ELOVL5: variants seen among roughly 807,000 people sequenced by gnomAD.
ELOVL5 encodes the protein very long chain fatty acid elongase 5.
Under a neutral mutation model 38.6 loss-of-function variants are expected in ELOVL5, and 8 were observed. The observed-to-expected ratio is 0.21, with a 90% CI of 0.12 to 0.37. ELOVL5 has a LOEUF of 0.37. Among genes scored for constraint, ELOVL5 ranks in the 10% least tolerant of loss-of-function variants. The probability of loss-of-function intolerance (pLI) is 1.00; values close to 1 mark genes in which losing one functional copy is unlikely to be tolerated. For synonymous variants in ELOVL5, 127 were observed against 133.7 expected, an observed-to-expected ratio of 0.95 and a Z score of 0.34; for missense variants, 280 against 367.8, an observed-to-expected ratio of 0.76 and a Z score of 1.95.
intron 1 of ELOVL5, among the ~76,000 whole-genome samples, chr6:53,332,858 C>T (rs749120754): frequency 1.3e-5 from 2 of 152,212 alleles, no homozygotes; most frequent in Non-Finnish European, 2.9e-5. Flanking sequence ...ACGAAAGCCA[C>T]CCTCCCCAAA....
chr6:53,327,408 A>G (rs79088104), intron 1 of ELOVL5, among the ~76,000 whole-genome samples: 214 of 152,284 alleles, frequency 1.4e-3, no homozygotes, highest in African/African-American at 5.0e-3. Context: ...TGAAAACATT[A>G]TGCTAAGTGA....
intron 1 of ELOVL5, among the ~76,000 whole-genome samples, chr6:53,307,706 C>T (rs887654003): frequency 2.0e-5 from 3 of 152,158 alleles, no homozygotes; most frequent in Non-Finnish European, 4.4e-5. Flanking sequence ...AGATAAATTC[C>T]TCTGAAATGT....
At chr6:53,340,156 A>G (rs1769266532) in intron 1 of ELOVL5, among the ~76,000 whole-genome samples, 1 of 152,198 alleles carries the variant, frequency 6.6e-6, no homozygotes, top group Non-Finnish European at 1.5e-5. Flanking sequence ...ATTATTACAA[A>G]AGAGTAAAAA....
At chr6:53,309,861 G>A (rs530698109) in intron 1 of ELOVL5, among the ~76,000 whole-genome samples, 21 of 152,334 alleles carry the variant, frequency 1.4e-4, no homozygotes, top group Admixed American at 6.5e-4. Context: ...GGCCTGCTCA[G>A]CTTCAGATGA....
At chr6:53,331,498 C>CAT (rs1224162263) in intron 1 of ELOVL5, among the ~76,000 whole-genome samples, 2 of 152,158 alleles carry the variant, frequency 1.3e-5, no homozygotes, top group African/African-American at 4.8e-5. Flanking sequence ...TCCACAAACA[C>CAT]ATAAGTAATA....
intron 3 of ELOVL5, 58 bp downstream of exon 3, chr6:53,291,718 A>T: frequency 1.4e-6 from 2 of 1,411,750 alleles, no homozygotes; most frequent in Non-Finnish European, 1.9e-6. Flanking sequence ...AATACAATTT[A>T]GGACAGCAAT....
chr6:53,336,605 T>C (rs1390176252), intron 1 of ELOVL5, among the ~76,000 whole-genome samples: 1 of 152,146 alleles, frequency 6.6e-6, no homozygotes, highest in Non-Finnish European at 1.5e-5. Context: ...GAGGCTGCAA[T>C]GAGCTGAGAT....
At chr6:53,280,216 A>G (rs916374786) in intron 3 of ELOVL5, among the ~76,000 whole-genome samples, 1 of 152,204 alleles carries the variant, frequency 6.6e-6, no homozygotes, top group African/African-American at 2.4e-5. Flanking sequence ...GCTTCTGAGA[A>G]TCAGATCGAA....
At position 53,295,676 on chromosome 6, in the gene ELOVL5, A is replaced by G; in HGVS notation, c.24T>C (p.Leu8=). The G allele has an allele frequency of 6.3e-7, 1 of 1,597,294 alleles. No individual in the cohort carries two copies. Among genetic ancestry groups the G allele is most frequent in the Non-Finnish European group, 8.5e-7 (1 of 1,175,378 alleles). MEHFDAS[L]STYFKALLGP... ...CTAGCAATGCCTTGAAATAGGTACT[A>G]AGTGATGCATCAAAATGTTCCATTT... Residue 8 remains leucine, a synonymous_variant, in exon 2 of 8, where the codon CTT becomes CTC. Transcript: ENST00000304434.
intron 1 of ELOVL5, among the ~76,000 whole-genome samples, chr6:53,310,426 T>C (rs1418223274): frequency 2.3e-5 from 3 of 130,726 alleles, no homozygotes; most frequent in South Asian, 2.5e-4. Flanking sequence ...GTTCTGTTTT[T>C]CTTGGGGGAT....
chr6:53,347,531 TAGG>T (rs1372105572), intron 1 of ELOVL5, among the ~76,000 whole-genome samples: 3 of 152,180 alleles, frequency 2.0e-5, no homozygotes, highest in Non-Finnish European at 2.9e-5. Context: ...GCCAAGCGGT[TAGG>T]AGAATGAGTT....
intron 3 of ELOVL5, chr6:53,288,028 T>C (rs1303414306): frequency 8.0e-6 from 9 of 1,120,378 alleles, no homozygotes; most frequent in Non-Finnish European, 3.9e-6. Flanking sequence ...ATTGAATGGC[T>C]TCACATGAGG....
chr6:53,285,607 A>G (rs1766538878), intron 3 of ELOVL5, among the ~76,000 whole-genome samples: 1 of 152,106 alleles, frequency 6.6e-6, no homozygotes, highest in South Asian at 2.1e-4. Flanking sequence ...TTTTATTTTT[A>G]ATTTATCTTT....
intron 1 of ELOVL5, among the ~76,000 whole-genome samples, chr6:53,331,004 C>A (rs1768778732): frequency 6.6e-6 from 1 of 152,092 alleles, no homozygotes; most frequent in Non-Finnish European, 1.5e-5. Flanking sequence ...AGCTGTTTCA[C>A]AATTAACTTT....
chr6:53,287,236 C>T (rs1766605843), intron 3 of ELOVL5, among the ~76,000 whole-genome samples: 1 of 152,098 alleles, frequency 6.6e-6, no homozygotes, highest in African/African-American at 2.4e-5. Flanking sequence ...GTTCTAACTG[C>T]AAGGGAGGAA....
At chr6:53,340,530 T>A (rs1659760457) in intron 1 of ELOVL5, among the ~76,000 whole-genome samples, 1 of 152,210 alleles carries the variant, frequency 6.6e-6, no homozygotes, top group African/African-American at 2.4e-5. Context: ...CAAGCTCCAT[T>A]CATGGCAAGT....
At chr6:53,310,533 G>C (rs964138984) in intron 1 of ELOVL5, among the ~76,000 whole-genome samples, 6 of 152,152 alleles carry the variant, frequency 3.9e-5, no homozygotes, top group African/African-American at 1.4e-4. Flanking sequence ...AGCTCACAAA[G>C]TTAAGTTACT....
chr6:53,313,213 C>G (rs1206698484), intron 1 of ELOVL5, among the ~76,000 whole-genome samples: 1 of 152,122 alleles, frequency 6.6e-6, no homozygotes, highest in Non-Finnish European at 1.5e-5. Context: ...TTATAAATGC[C>G]AAATCTCACT....
intron 1 of ELOVL5, among the ~76,000 whole-genome samples, chr6:53,321,769 A>G (rs1423530362): frequency 6.6e-6 from 1 of 152,236 alleles, no homozygotes; most frequent in Admixed American, 6.5e-5. Context: ...CAACAGCTGA[A>G]TAAATAAACA....
Sources: allele counts gnomAD v4.1 joint callset (sites outside exome capture counted in the v4.1 genomes callset), GRCh38; gene constraint gnomAD v4.1.1; transcripts MANE v1.5; gene names NCBI Gene and HGNC (gene_info 2026-07-23, HGNC 2026-07-21).